The following MRPS22 variants were observed in gnomAD, a reference collection of about 807,000 sequenced individuals.
MRPS22 encodes the protein mitochondrial ribosomal protein S22, also known as small ribosomal subunit protein mS22.
A neutral mutation model predicts 44.0 loss-of-function variants in MRPS22; 30 were observed. That is an observed-to-expected ratio of 0.68 (90% CI 0.51 to 0.93). MRPS22 has a LOEUF of 0.93. Ranked by LOEUF, MRPS22 falls within the 40% of genes least tolerant of loss-of-function variation. The pLI, the probability that MRPS22 is intolerant of heterozygous loss-of-function variation, is 0.00. For synonymous variants in MRPS22, 165 were observed against 154.4 expected (o/e 1.07, Z -0.51); for missense variants, 447 against 447.8 (o/e 1.00, Z 0.02).
Position 139,350,150 on chromosome 3 carries a change from G to A in MRPS22, c.505-29G>A, listed in dbSNP as rs368128942. ...GAACTAAAAATACGTCCTCACAAACGCATCCTTGATTATGTTTTTCTATTT... is the reference window on the plus strand; with the variant it reads ...GAACTAAAAATACGTCCTCACAAACACATCCTTGATTATGTTTTTCTATTT... On this transcript the variant is annotated intron_variant, in intron 3 of 7. Coordinates refer to ENST00000680020, the MANE Select transcript of MRPS22 (RefSeq NM_020191.4). The A allele has an allele frequency of 3.1e-4, 503 of 1,613,432 alleles. 1 individual carries two copies. Among genetic ancestry groups the A allele is most frequent in the Middle Eastern group, 8.3e-4 (5 of 6,058 alleles).
At chr3:139,352,531 G>GT (rs778869983) in intron 5 of MRPS22, 116 bp from the exon 6 acceptor site, 42 of 876,576 alleles carry the variant, frequency 4.8e-5, no homozygotes, top group East Asian at 3.5e-4. Context: ...GGAGGCAACT[G>GT]TAAGTAGACC....
chr3:139,346,762 G>T, intron 1 of MRPS22, 116 bp from the exon 2 acceptor site: 1 of 994,076 alleles, frequency 1.0e-6, no homozygotes, highest in Non-Finnish European at 1.6e-6. Context: ...TTAGCATTTT[G>T]CAGTGCCAAG....
intron 1 of MRPS22, chr3:139,344,721 A>G (rs1403395644): frequency 1.3e-5 from 9 of 699,324 alleles, no homozygotes; most frequent in Non-Finnish European, 2.6e-6. Context: ...TTTTGGAGGT[A>G]GGATTGATAA....
At chr3:139,352,366 T>G (rs1007789663) in intron 5 of MRPS22, 1 of 382,058 alleles carries the variant, frequency 2.6e-6, no homozygotes, top group African/African-American at 2.1e-5. Flanking sequence ...TGAGGACTGC[T>G]CAAGCAGTCC....
intron 5 of MRPS22, chr3:139,352,444 C>G (rs1315589050): frequency 1.6e-5 from 8 of 513,810 alleles, no homozygotes; most frequent in Admixed American, 1.3e-4. Context: ...AAAATTCTTT[C>G]TTAATAGAAT....
chr3:139,350,903 G>C (rs1267897881), intron 4 of MRPS22, 74 bp from the exon 5 acceptor site: 1 of 1,158,958 alleles, frequency 8.6e-7, no homozygotes, highest in African/African-American at 1.5e-5. Context: ...GGGTGGGCAG[G>C]CCTGTCATGA....
chr3:139,348,165 A>G lies in MRPS22; in HGVS notation c.345A>G (p.Thr115=), dbSNP rs757899392. The G allele has an allele frequency of 2.5e-6, 4 of 1,613,992 alleles. No homozygotes were observed. In the African/African-American group the frequency reaches 5.3e-5, roughly 22 times the overall value. Residue 115 remains threonine, a synonymous_variant, in exon 3 of 8, where the codon ACA becomes ACG. Coordinates refer to ENST00000680020, the MANE Select transcript of MRPS22 (RefSeq NM_020191.4). ...TAAATATTTTCTTTCATTAGGCTAC[A>G]AGACAGGCAGTTGAGGCAGCTAAAG... ...LMTQAQLEEA[T]RQAVEAAKVR...
Position 139,355,791 on chromosome 3 carries a change from G to GT in MRPS22, c.987+2dup. On this transcript the variant is annotated splice_donor_variant, in intron 7 of 7. Transcript: ENST00000680020. LOFTEE classifies it high-confidence loss of function. Reference sequence around the variant, plus strand: ...TGCTGAGGGAATAAATTTAATCAAGGTAAAGTTTTTTTTTCATATTGGTTG... The same window carrying GT: ...TGCTGAGGGAATAAATTTAATCAAGGTTAAAGTTTTTTTTTCATATTGGTTG... 6.2e-7 allele frequency: 1 copy of GT among 1,612,236 alleles called. No homozygotes were observed. Among genetic ancestry groups the GT allele is most frequent in the East Asian group, 2.2e-5 (1 of 44,858 alleles).
intron 3 of MRPS22, 55 bp from the exon 4 acceptor site, chr3:139,350,123 AG>A: frequency 1.2e-6 from 2 of 1,606,130 alleles, no homozygotes; most frequent in Non-Finnish European, 1.7e-6. Flanking sequence ...AGTGGGACAC[AG>A]GAACTAAAAA....
intron 6 of MRPS22, 107 bp from the exon 7 acceptor site, chr3:139,355,575 G>A: frequency 1.1e-6 from 1 of 925,026 alleles, no homozygotes; most frequent in South Asian, 1.4e-5. Flanking sequence ...CCTCCAGCCT[G>A]AGGAAAGTCT....
At chr3:139,355,815 T>A in intron 7 of MRPS22, 25 bp downstream of exon 7, 2 of 1,555,730 alleles carry the variant, frequency 1.3e-6, no homozygotes, top group Non-Finnish European at 1.8e-6. Flanking sequence ...TCATATTGGT[T>A]GTTTTGTGGT....
At position 139,352,901 on chromosome 3, in the gene MRPS22, G is replaced by A. The variant is rs921983567; in HGVS notation, c.878+109G>A. 1.1e-5 allele frequency: 13 copies of A among 1,183,010 alleles called. No homozygotes were observed. The South Asian group carries it at 1.4e-4, about 13-fold the overall frequency. 73.3% of individuals were successfully genotyped at this position (1,183,010 alleles called of 1,614,324 possible). On this transcript the variant is annotated intron_variant, in intron 6 of 7. Coordinates refer to ENST00000680020, the MANE Select transcript of MRPS22 (RefSeq NM_020191.4). ...GATAACAGTGTACTGTCTAGTGCTT[G>A]CTTACCTCAGTTTATGGATTTGTTC...
chr3:139,348,417 G>A (rs139581115), intron 3 of MRPS22, 93 bp downstream of exon 3: 64 of 1,286,370 alleles, frequency 5.0e-5, no homozygotes, highest in African/African-American at 4.5e-4. Context: ...TCTCTGATGC[G>A]TCCAAACCAG....
intron 2 of MRPS22, among the ~76,000 whole-genome samples, chr3:139,347,610 G>T (rs1941065479): frequency 6.6e-6 from 1 of 152,180 alleles, no homozygotes; most frequent in Admixed American, 6.5e-5. Flanking sequence ...CCTCCTAGAG[G>T]TAACTGCTTT....
chr3:139,351,732 C>G (rs1327164575), intron 5 of MRPS22: 1 of 154,272 alleles, frequency 6.5e-6, no homozygotes, highest in Non-Finnish European at 1.4e-5. Flanking sequence ...AAGCAACAGG[C>G]AGGAAAAAAG....
chr3:139,348,331 A>G lies in MRPS22; in HGVS notation c.504+7A>G, dbSNP rs750915924. 1.8e-5 allele frequency: 29 copies of G among 1,613,296 alleles called. No individual in the cohort carries two copies. The East Asian group carries it at 6.0e-4, about 33-fold the overall frequency. ...ATATAGCATACCACACCGGGTGAGT[A>G]TATGTCTAATCGCAAAATGATCTTT... is the stretch of plus-strand genomic sequence containing the variant. On this transcript the variant is annotated splice_region_variant and intron_variant, in intron 3 of 7. Coordinates refer to ENST00000680020, the MANE Select transcript of MRPS22 (RefSeq NM_020191.4).
Position 139,346,892 on chromosome 3 carries a change from C to A in MRPS22, c.187C>A (p.Pro63Thr). 1 of 1,613,940 alleles carries A rather than the reference C, an allele frequency of 6.2e-7. No homozygotes were observed. Among genetic ancestry groups the A allele is most frequent in the Non-Finnish European group, 8.5e-7 (1 of 1,179,972 alleles). ...FSSEAAESGS[P>T]ETKKPTFMDE... ...GTCCATTTTAGCAGAATCTGGTAGC[C>A]CAGAGACCAAGAAACCTACATTTAT... is the stretch of plus-strand genomic sequence containing the variant. Residue 63 changes from proline to threonine, a missense_variant, in exon 2 of 8, where the codon CCA (proline) becomes ACA (threonine). By Grantham distance (38) the Pro-to-Thr change is conservative (BLOSUM62 -1). Coordinates refer to ENST00000680020, the MANE Select transcript of MRPS22 (RefSeq NM_020191.4).
At position 139,352,779 on chromosome 3, in the gene MRPS22, A is replaced by G; in HGVS notation, c.865A>G (p.Ile289Val). Residue 289 changes from isoleucine to valine, a missense_variant, in exon 6 of 8, where the codon ATT (isoleucine) becomes GTT (valine). Transcript: ENST00000680020. ...KKIDGLLIDQ[I>V]QRDLIDDATN... ...GATTGATGGTTTGCTGATTGACCAG[A>G]TTCAGAGAGATTTGTAAGTATGATC... The G allele has an allele frequency of 1.9e-6, 3 of 1,613,364 alleles. No individual in the cohort carries two copies. The highest frequency in any genetic ancestry group is 2.5e-6 in the Non-Finnish European group (3 of 1,179,546).
intron 1 of MRPS22, 136 bp from the exon 2 acceptor site, chr3:139,346,742 C>T: frequency 2.5e-6 from 2 of 800,362 alleles, no homozygotes; most frequent in South Asian, 3.1e-5. Context: ...ATGAATGCAT[C>T]TCATAGGTAT....
Sources: gnomAD v4.1 joint callset for allele counts (sites outside exome capture counted in the v4.1 genomes callset) on GRCh38, gnomAD v4.1.1 for gene constraint, MANE v1.5 for transcripts, NCBI Gene and HGNC (gene_info 2026-07-23, HGNC 2026-07-21) for gene names.